SPAG16: variants seen among roughly 807,000 people sequenced by gnomAD.
The protein encoded by SPAG16 is sperm-associated antigen 16 protein.
A neutral mutation model predicts 80.4 loss-of-function variants in SPAG16; 86 were observed. That is an observed-to-expected ratio of 1.07 (90% CI 0.90 to 1.28). The LOEUF (loss-of-function observed/expected upper bound fraction) is 1.28. Ranked by LOEUF, SPAG16 falls within the 50% of genes most tolerant of loss-of-function variation. The pLI is 0.00. For synonymous variants in SPAG16, 294 were observed against 265.9 expected, an observed-to-expected ratio of 1.11 and a Z score of -1.03; for missense variants, 870 against 765.3, an observed-to-expected ratio of 1.14 and a Z score of -1.61.
chr2:214,014,964 G>A (rs920000662), intron 13 of SPAG16, among the ~76,000 whole-genome samples: 8 of 152,188 alleles, frequency 5.3e-5, no homozygotes, highest in African/African-American at 1.9e-4. Context: ...CGAGGGAGGA[G>A]CAAAGGGAAC....
chr2:213,887,836 A>G (rs1575461603), intron 11 of SPAG16, among the ~76,000 whole-genome samples: 1 of 151,910 alleles, frequency 6.6e-6, no homozygotes, highest in Admixed American at 6.6e-5. Context: ...AGAGTTTGTT[A>G]TGTATTATTA....
intron 10 of SPAG16, among the ~76,000 whole-genome samples, chr2:213,731,201 G>A (rs2125423660): frequency 7.5e-6 from 1 of 132,946 alleles, no homozygotes; most frequent in East Asian, 2.5e-4. Flanking sequence ...TTGTTGCCCA[G>A]GCTGGAGTGT....
intron 14 of SPAG16, among the ~76,000 whole-genome samples, chr2:214,110,002 ATATT>A (rs2053583555): frequency 6.6e-6 from 1 of 152,202 alleles, no homozygotes; most frequent in Non-Finnish European, 1.5e-5. Context: ...TACATTCTAA[ATATT>A]AAACTTAATA....
intron 15 of SPAG16, among the ~76,000 whole-genome samples, chr2:214,272,184 G>A (rs902455378): frequency 5.9e-5 from 9 of 151,798 alleles, no homozygotes; most frequent in African/African-American, 1.9e-4. Flanking sequence ...CATGATATAA[G>A]GTATGAAAGT....
chr2:214,004,735 G>T (rs2046952053), intron 12 of SPAG16, among the ~76,000 whole-genome samples: 1 of 152,006 alleles, frequency 6.6e-6, no homozygotes, highest in Admixed American at 6.6e-5. Flanking sequence ...ATGCAGGCTT[G>T]ATCTAGTGCT....
chr2:213,831,659 C>G (rs2073666356), intron 10 of SPAG16, among the ~76,000 whole-genome samples: 1 of 152,102 alleles, frequency 6.6e-6, no homozygotes, highest in Non-Finnish European at 1.5e-5. Context: ...AAAGTTATAA[C>G]ACTAAAGCCT....
intron 10 of SPAG16, among the ~76,000 whole-genome samples, chr2:213,740,788 G>A (rs993003344): frequency 3.9e-5 from 6 of 152,290 alleles, no homozygotes; most frequent in African/African-American, 7.2e-5. Context: ...AAGATGGGGC[G>A]TGAAGGTGAA....
intron 15 of SPAG16, among the ~76,000 whole-genome samples, chr2:214,320,773 C>T (rs144898903): frequency 6.6e-6 from 1 of 152,200 alleles, no homozygotes. Flanking sequence ...CCTGGTCTCT[C>T]CCTTGACACA....
intron 15 of SPAG16, among the ~76,000 whole-genome samples, chr2:214,398,326 T>C (rs1275109754): frequency 6.6e-6 from 1 of 152,256 alleles, no homozygotes; most frequent in Admixed American, 6.5e-5. Flanking sequence ...TTGACTTTCC[T>C]TCACTTGCAA....
chr2:214,217,882 C>A (rs1485515995), intron 15 of SPAG16, among the ~76,000 whole-genome samples: 2 of 152,132 alleles, frequency 1.3e-5, no homozygotes. Context: ...GCTTCTGGGG[C>A]AGTGGGTCTC....
Position 213,777,525 on chromosome 2 carries a change from G to A in SPAG16, c.1071-84960G>A, listed in dbSNP as rs568721064. ...GGGTTCACGCCATTCTCCTGCCTCA[G>A]CCTCCCCAGCAGCTGGATTACAGGC... On this transcript the variant is annotated intron_variant, in intron 10 of 15. Coordinates refer to ENST00000331683, the MANE Select transcript of SPAG16 (RefSeq NM_024532.5). Among the ~76,000 whole-genome samples the A allele has an allele frequency of 4.3e-4, 65 of 152,062 alleles. 2 individuals are homozygous for A. The South Asian group carries it at 0.013, about 31-fold the overall frequency.
intron 15 of SPAG16, among the ~76,000 whole-genome samples, chr2:214,189,020 C>A (rs1053410625): frequency 6.6e-6 from 1 of 152,038 alleles, no homozygotes; most frequent in African/African-American, 2.4e-5. Context: ...ACAAAGGAAT[C>A]GTGGTCTTTT....
chr2:213,433,824 C>A (rs1169193940), intron 9 of SPAG16, among the ~76,000 whole-genome samples: 3 of 151,654 alleles, frequency 2.0e-5, no homozygotes, highest in African/African-American at 7.2e-5. Flanking sequence ...ACTGGAGGTA[C>A]TGCATTACCT....
chr2:213,509,096 A>T (rs1470478376), intron 10 of SPAG16, among the ~76,000 whole-genome samples: 1 of 151,770 alleles, frequency 6.6e-6, no homozygotes, highest in Non-Finnish European at 1.5e-5. Context: ...TTCCAAGTTC[A>T]AGTGATTCTT....
intron 10 of SPAG16, among the ~76,000 whole-genome samples, chr2:213,806,156 G>A (rs1030981682): frequency 5.3e-5 from 8 of 152,098 alleles, no homozygotes; most frequent in South Asian, 4.1e-4. Flanking sequence ...ATACTAGAGA[G>A]CATCATCCCA....
chr2:214,201,282 G>T (rs2058002989), intron 15 of SPAG16, among the ~76,000 whole-genome samples: 1 of 152,084 alleles, frequency 6.6e-6, no homozygotes, highest in South Asian at 2.1e-4. Context: ...TTAAAATCTA[G>T]CTGCTAAGTG....
intron 15 of SPAG16, among the ~76,000 whole-genome samples, chr2:214,201,255 C>T (rs1356155761): frequency 2.0e-5 from 3 of 152,130 alleles, no homozygotes; most frequent in East Asian, 1.9e-4. Flanking sequence ...CCTGACTAAA[C>T]ACTTTCGATT....
rs2125124656 is a variant in SPAG16 at position 213,364,100 on chromosome 2, A to T, written c.787A>T (p.Lys263Ter). ...GQISGLQETLKKLQRGHSYHG... is the reference protein window; with the variant it reads ...GQISGLQETL The stretch of plus-strand genomic sequence containing the variant: ...GATTTCTGGACTTCAAGAAACATTG[A>T]AGAAACTGCAAAGAGGACATAGTTA... The change falls in exon 8 of 16, where the codon AAG (lysine) becomes TAG (stop). Residue 263 changes from lysine to a stop codon, truncating the protein, a stop_gained. Coordinates refer to ENST00000331683, the MANE Select transcript of SPAG16 (RefSeq NM_024532.5). LOFTEE classifies it high-confidence loss of function. The T allele has an allele frequency of 6.6e-7, 1 of 1,522,982 alleles. No individual in the cohort carries two copies. Among genetic ancestry groups the T allele is most frequent in the Middle Eastern group, 1.8e-4 (1 of 5,454 alleles). The allele number at this position is 1,522,982 out of a possible 1,614,324, so 94.3% of individuals were successfully genotyped here.
At chr2:213,556,520 T>C (rs978761244) in intron 10 of SPAG16, among the ~76,000 whole-genome samples, 11 of 152,028 alleles carry the variant, frequency 7.2e-5, no homozygotes, top group Non-Finnish European at 1.5e-4. Flanking sequence ...CATTATATGA[T>C]AAAGGAATAA....
Sources: allele counts gnomAD v4.1 joint callset (sites outside exome capture counted in the v4.1 genomes callset), GRCh38; gene constraint gnomAD v4.1.1; transcripts MANE v1.5; gene names NCBI Gene and HGNC (gene_info 2026-07-23, HGNC 2026-07-21).